ZNF717: variants seen among roughly 807,000 people sequenced by gnomAD.
The protein encoded by ZNF717 is zinc finger protein 717, also known as krueppel-like factor X17.
In ZNF717, 9 loss-of-function variants were observed where a neutral mutation model predicts 13.8. That is an observed-to-expected ratio of 0.65 (90% confidence interval 0.39 to 1.14). The LOEUF (loss-of-function observed/expected upper bound fraction) is 1.14, where lower values mean the gene tolerates loss of function less well. Among genes scored for constraint, ZNF717 ranks in the 50% most tolerant of loss-of-function variants. ZNF717 has a pLI of 0.01. For missense variants in ZNF717, 1,040 were observed against 1,080.7 expected, an observed-to-expected ratio of 0.96 and a Z score of 0.53; for synonymous variants, 327 against 364.1, an observed-to-expected ratio of 0.90 and a Z score of 1.16.
At chr3:75,783,226 T>C in intron 2 of ZNF717, 80 bp downstream of exon 2, 1 of 1,117,602 alleles carries the variant, frequency 8.9e-7, no homozygotes, top group East Asian at 2.6e-5. Context: ...TTATTTCCAC[T>C]TTTCTTTTTT....
At chr3:75,769,171 G>C (rs544866830) in intron 2 of ZNF717, among the ~76,000 whole-genome samples, 1 of 152,172 alleles carries the variant, frequency 6.6e-6, no homozygotes, top group African/African-American at 2.4e-5. Context: ...CAGTGTGACA[G>C]GAGAAATGCT....
chr3:75,774,917 C>T (rs1418694916), intron 2 of ZNF717, among the ~76,000 whole-genome samples: 1 of 151,926 alleles, frequency 6.6e-6, no homozygotes, highest in Admixed American at 6.6e-5. Flanking sequence ...CTGCACCTGG[C>T]CAGGATTTCT....
chr3:75,766,297 AAACT>A (rs972152916), intron 2 of ZNF717, among the ~76,000 whole-genome samples: 7 of 152,186 alleles, frequency 4.6e-5, no homozygotes, highest in Non-Finnish European at 8.8e-5. Flanking sequence ...AGACACAAAC[AAACT>A]ATGAGAAAAA....
intron 2 of ZNF717, among the ~76,000 whole-genome samples, chr3:75,774,359 C>T (rs1944141900): frequency 6.6e-6 from 1 of 151,992 alleles, no homozygotes; most frequent in Non-Finnish European, 1.5e-5. Flanking sequence ...AGTGTTTAAA[C>T]CTTTAATATA....
downstream of ZNF717, chr3:75,732,046 A>C: frequency 1.4e-6 from 1 of 702,808 alleles, no homozygotes; most frequent in Non-Finnish European, 2.6e-6. Context: ...GGAGCATAAT[A>C]TTGTAAAATT....
intron 2 of ZNF717, among the ~76,000 whole-genome samples, chr3:75,766,772 G>C (rs533810108): frequency 1.3e-4 from 20 of 152,248 alleles, no homozygotes; most frequent in Non-Finnish European, 2.6e-4. Context: ...GCCTGAAATA[G>C]TATGCAAAGT....
At chr3:75,723,445 T>C (rs1368046328) in intron 4 of ZNF717, among the ~76,000 whole-genome samples, 2 of 152,168 alleles carry the variant, frequency 1.3e-5, no homozygotes, top group African/African-American at 2.4e-5. Flanking sequence ...GCTGTTCCAG[T>C]GTAATAAAGA....
downstream of ZNF717, among the ~76,000 whole-genome samples, chr3:75,733,798 A>AAAAAAAAAAAAAAAG (rs1466437540): frequency 8.4e-6 from 1 of 118,774 alleles, no homozygotes; most frequent in African/African-American, 3.0e-5. Flanking sequence ...AAAAAAAAAA[A>AAAAAAAAAAAAAAAG]AATTACATTC....
downstream of ZNF717, chr3:75,732,220 C>T (rs1938623594): frequency 4.3e-6 from 3 of 690,112 alleles, no homozygotes; most frequent in African/African-American, 1.8e-5. Context: ...CTCAGCCTAA[C>T]CTGCTCTCAT....
At chr3:75,782,050 C>T (rs777957325) in intron 2 of ZNF717, among the ~76,000 whole-genome samples, 54 of 152,184 alleles carry the variant, frequency 3.5e-4, no homozygotes, top group Non-Finnish European at 6.9e-4. Context: ...CTCTCAGTCG[C>T]TGGCTAATAA....
chr3:75,708,685 T>C (rs368667313), downstream of ZNF717, among the ~76,000 whole-genome samples: 2 of 151,606 alleles, frequency 1.3e-5, no homozygotes, highest in Admixed American at 6.6e-5. Flanking sequence ...CAGGAGGAAA[T>C]TCAAACCAAT....
chr3:75,705,626 T>TGTCTTACA (rs1937789507), downstream of ZNF717, among the ~76,000 whole-genome samples: 1 of 139,760 alleles, frequency 7.2e-6, no homozygotes, highest in African/African-American at 2.6e-5. Flanking sequence ...CCTTCAAGTC[T>TGTCTTACA]TGTCTTACAT....
intron 2 of ZNF717, among the ~76,000 whole-genome samples, chr3:75,753,823 G>T (rs796161764): frequency 2.3e-5 from 1 of 44,132 alleles, no homozygotes; most frequent in Admixed American, 2.4e-4. Context: ...CTGCTACAAG[G>T]TTCTGAATGT....
rs1460807014 is a variant in ZNF717, at chr3:75,737,246, T to C, written c.2377A>G (p.Lys793Glu). The C allele has an allele frequency of 1.9e-6, 3 of 1,552,978 alleles. No individual in the cohort carries two copies. The highest frequency in any genetic ancestry group is 2.4e-5 in the South Asian group (2 of 84,178). Residue 793 changes from lysine to glutamate, a missense_variant, in exon 5 of 5, where the codon AAA becomes GAA. Coordinates refer to ENST00000652011, the MANE Select transcript of ZNF717 (RefSeq NM_001290208.3). The stretch of plus-strand genomic sequence containing the variant: ...AGAACTGTCTTATCGTAAAAAGTTT[T>C]CCTACATTCATCACATTCATAGGGT... ...EKPYECDECR[K>E]TFYDKTVLTI...
intron 1 of ZNF717, among the ~76,000 whole-genome samples, chr3:75,783,816 A>G (rs1944983117): frequency 6.6e-6 from 1 of 152,220 alleles, no homozygotes; most frequent in Non-Finnish European, 1.5e-5. Context: ...ATACCTGAAC[A>G]TCATGGAAAG....
chr3:75,722,021 G>A (rs1938177076), intron 4 of ZNF717, among the ~76,000 whole-genome samples: 1 of 151,688 alleles, frequency 6.6e-6, no homozygotes, highest in Non-Finnish European at 1.5e-5. Context: ...GCCGAGGCAG[G>A]TGGATCACAA....
chr3:75,699,044 C>A (rs1485773465), intron 6 of ZNF717, among the ~76,000 whole-genome samples: 4 of 152,306 alleles, frequency 2.6e-5, no homozygotes, highest in African/African-American at 9.6e-5. Flanking sequence ...TGGAGCCTTA[C>A]AATTCAGTAA....
chr3:75,700,417 C>T (rs1937668766), intron 6 of ZNF717, among the ~76,000 whole-genome samples: 1 of 152,112 alleles, frequency 6.6e-6, no homozygotes, highest in Non-Finnish European at 1.5e-5. Flanking sequence ...ACATTCCTCA[C>T]AGAAATAGAA....
Position 75,736,953 on chromosome 3 carries a change from T to A in ZNF717, c.2670A>T (p.Gln890His), listed in dbSNP as rs1392609411. 3.8e-6 allele frequency: 6 copies of A among 1,568,416 alleles called. No homozygotes were observed. Among genetic ancestry groups the A allele is most frequent in the Non-Finnish European group, 4.3e-6 (5 of 1,157,036 alleles). ...CQKSHLSRHQ[Q>H]THIGEKSDVA... ...CGTCAGATTTCTCTCCTATATGGGT[T>A]TGTTGATGCCTGCTGAGGTGTGACT... is the stretch of plus-strand genomic sequence containing the variant. The change falls in exon 5 of 5, where the codon CAA becomes CAT. Residue 890 changes from glutamine to histidine, a missense_variant. By Grantham distance (24) the Gln-to-His change is conservative. Transcript: ENST00000652011.
Sources: gnomAD v4.1 joint callset for allele counts (sites outside exome capture counted in the v4.1 genomes callset) on GRCh38, gnomAD v4.1.1 for gene constraint, MANE v1.5 for transcripts, NCBI Gene and HGNC (gene_info 2026-07-23, HGNC 2026-07-21) for gene names.